TRPC4: variants seen among roughly 807,000 people sequenced by gnomAD.
TRPC4 encodes short transient receptor potential channel 4.
In TRPC4, 49 loss-of-function variants were observed where a neutral mutation model predicts 99.4. The observed-to-expected ratio is 0.49, with a 90% CI of 0.39 to 0.63. The LOEUF is 0.63. Among genes scored for constraint, TRPC4 ranks in the 20% least tolerant of loss-of-function variants. The pLI, the probability that TRPC4 is intolerant of heterozygous loss-of-function variation, is 0.00. For missense variants in TRPC4, 898 were observed against 1,152.9 expected, an observed-to-expected ratio of 0.78 and a Z score of 3.20; for synonymous variants, 454 against 425.9, an observed-to-expected ratio of 1.07 and a Z score of -0.81.
At chr13:37,641,496 G>T (rs1392902336) in intron 8 of TRPC4, among the ~76,000 whole-genome samples, 2 of 152,150 alleles carry the variant, frequency 1.3e-5, no homozygotes, top group African/African-American at 4.8e-5. Context: ...GAATGGATGA[G>T]GTTAACTGTC....
At chr13:37,777,106 A>T (rs1443467942) in intron 2 of TRPC4, among the ~76,000 whole-genome samples, 1 of 151,980 alleles carries the variant, frequency 6.6e-6, no homozygotes, top group African/African-American at 2.4e-5. Context: ...ATATGCACTG[A>T]GGTGGAAAGA....
intron 2 of TRPC4, among the ~76,000 whole-genome samples, chr13:37,772,933 C>G (rs560218504): frequency 6.6e-6 from 1 of 151,754 alleles, no homozygotes; most frequent in Non-Finnish European, 1.5e-5. Context: ...TCGCCTCCCC[C>G]TTCCCAGAAA....
At chr13:37,735,185 G>A (rs370337176) in intron 3 of TRPC4, among the ~76,000 whole-genome samples, 15 of 151,998 alleles carry the variant, frequency 9.9e-5, no homozygotes, top group Middle Eastern at 3.2e-3. Context: ...GAAAAATTAT[G>A]ACTATGTCTA....
At chr13:37,721,945 A>G (rs555366587) in intron 3 of TRPC4, among the ~76,000 whole-genome samples, 197 of 152,218 alleles carry the variant, frequency 1.3e-3, no homozygotes, top group Middle Eastern at 3.4e-3. Context: ...GGCCTATTTT[A>G]ATTCATCCCT....
chr13:37,709,771 C>T (rs771932481), intron 3 of TRPC4, among the ~76,000 whole-genome samples: 7 of 151,946 alleles, frequency 4.6e-5, no homozygotes, highest in Non-Finnish European at 7.4e-5. Context: ...TCTGCAAACT[C>T]GCATACCAAT....
intron 3 of TRPC4, among the ~76,000 whole-genome samples, chr13:37,695,832 T>C (rs775564268): frequency 6.6e-6 from 1 of 152,026 alleles, no homozygotes; most frequent in Non-Finnish European, 1.5e-5. Context: ...ATAAGAGAGA[T>C]CCAGTATCAA....
chr13:37,828,930 A>G (rs1314915490), intron 1 of TRPC4, among the ~76,000 whole-genome samples: 1 of 152,218 alleles, frequency 6.6e-6, no homozygotes, highest in Non-Finnish European at 1.5e-5. Flanking sequence ...ACAATTACCT[A>G]TATAAACAAT....
chr13:37,649,753 AAAAAAAACAACAAC>A (rs1471797633), intron 8 of TRPC4, among the ~76,000 whole-genome samples: 6 of 135,920 alleles, frequency 4.4e-5, no homozygotes, highest in African/African-American at 1.5e-4. Context: ...AAAAAAAAAA[AAAAAAAACAACAAC>A]AAAGAACTAA....
chr13:37,639,783 A>C (rs1335168899), intron 8 of TRPC4, among the ~76,000 whole-genome samples: 1 of 150,702 alleles, frequency 6.6e-6, no homozygotes, highest in Non-Finnish European at 1.5e-5. Context: ...ATATACAGTA[A>C]GAGGAGATTC....
chr13:37,745,522 A>C (rs1278520180), intron 3 of TRPC4, among the ~76,000 whole-genome samples: 2 of 91,090 alleles, frequency 2.2e-5, no homozygotes, highest in East Asian at 4.4e-4. Flanking sequence ...ATATATACGT[A>C]TATATGTATA....
In TRPC4 at chr13:37,634,304, C is replaced by A. The variant is rs1337299681; in HGVS notation, c.*2599G>T. Among the ~76,000 whole-genome samples the A allele has an allele frequency of 6.6e-6, 1 of 152,038 alleles. No individual in the cohort carries two copies. The highest frequency in any genetic ancestry group is 1.9e-4 in the East Asian group (1 of 5,192). On this transcript the variant is annotated 3_prime_UTR_variant, in exon 11 of 11. Transcript: ENST00000379705. The stretch of plus-strand genomic sequence containing the variant: ...TTCTTATTTTATCCCTACTCCTCAT[C>A]TTCATTAATGCTACATAATGTCACT...
At chr13:37,828,251 G>A (rs1487276698) in intron 1 of TRPC4, among the ~76,000 whole-genome samples, 6 of 152,182 alleles carry the variant, frequency 3.9e-5, no homozygotes, top group Non-Finnish European at 1.5e-5. Context: ...CTCACGCTGG[G>A]AGCTGTAGAC....
At chr13:37,686,446 C>G (rs1210576255) in intron 4 of TRPC4, among the ~76,000 whole-genome samples, 1 of 151,578 alleles carries the variant, frequency 6.6e-6, no homozygotes, top group East Asian at 1.9e-4. Flanking sequence ...TGTGTATACA[C>G]ACACATATAT....
At chr13:37,818,604 T>A (rs1291494892) in intron 1 of TRPC4, among the ~76,000 whole-genome samples, 1 of 152,138 alleles carries the variant, frequency 6.6e-6, no homozygotes, top group East Asian at 1.9e-4. Context: ...ATATACACCA[T>A]GGAATACTAT....
intron 5 of TRPC4, among the ~76,000 whole-genome samples, chr13:37,665,712 A>G (rs1385764443): frequency 6.6e-6 from 1 of 152,090 alleles, no homozygotes; most frequent in African/African-American, 2.4e-5. Flanking sequence ...GAAAGATGCT[A>G]TGCATTGCTT....
Position 37,814,601 on chromosome 13 carries a change from A to G in TRPC4, c.-27-31241T>C, listed in dbSNP as rs141500844. 4.8e-3 allele frequency among the ~76,000 whole-genome samples: 727 copies of G among 151,974 alleles called. 6 individuals are homozygous for G. Among genetic ancestry groups the G allele is most frequent in the African/African-American group, 0.017 (702 of 41,548 alleles). On this transcript the variant is annotated intron_variant, in intron 1 of 10. Coordinates refer to ENST00000379705, the MANE Select transcript of TRPC4 (RefSeq NM_016179.4). ...AAATATTTAGGTATATGTTTAAGTG[A>G]AAGACTTGTAGTCTTGCATTCTTTC...
Position 37,836,046 on chromosome 13 carries a change from C to T in TRPC4, c.-28+33549G>A, listed in dbSNP as rs147418094. ...TGTTCTCATGATAGTGAATAAGTCT[C>T]AAGAGATCTGATGGTTTCATAAAGA... On this transcript the variant is annotated intron_variant, in intron 1 of 10. Coordinates refer to ENST00000379705, the MANE Select transcript of TRPC4 (RefSeq NM_016179.4). Among the ~76,000 whole-genome samples, 541 of 152,184 alleles carry T rather than the reference C, an allele frequency of 3.6e-3. 4 individuals are homozygous for T. The highest frequency in any genetic ancestry group is 0.013 in the African/African-American group (525 of 41,516).
chr13:37,666,060 T>A (rs913090574), intron 5 of TRPC4, among the ~76,000 whole-genome samples: 1 of 152,248 alleles, frequency 6.6e-6, no homozygotes, highest in Middle Eastern at 3.4e-3. Context: ...AAACAACCAT[T>A]GGAAGTTAAA....
chr13:37,713,647 T>C (rs1171674713), intron 3 of TRPC4, among the ~76,000 whole-genome samples: 1 of 152,196 alleles, frequency 6.6e-6, no homozygotes, highest in Non-Finnish European at 1.5e-5. Context: ...TAATTTTACA[T>C]AGGATCAGGT....
Sources: allele counts gnomAD v4.1 joint callset (sites outside exome capture counted in the v4.1 genomes callset), GRCh38; gene constraint gnomAD v4.1.1; transcripts MANE v1.5; gene names NCBI Gene and HGNC (gene_info 2026-07-23, HGNC 2026-07-21).